SPACA7: variants seen among roughly 807,000 people sequenced by gnomAD.
SPACA7 encodes the protein sperm acrosome associated 7, also known as sperm acrosome-associated protein 7.
A neutral mutation model predicts 26.3 loss-of-function variants in SPACA7; 19 were observed. The observed-to-expected ratio is 0.72, with a 90% CI of 0.50 to 1.06. The LOEUF is 1.06. Among genes scored for constraint, SPACA7 ranks in the 50% least tolerant of loss-of-function variants. The pLI is 0.00. For missense variants in SPACA7, 211 were observed against 229.9 expected (o/e 0.92, Z 0.53); for synonymous variants, 84 against 84.5 (o/e 0.99, Z 0.04).
intron 5 of SPACA7, among the ~76,000 whole-genome samples, chr13:112,418,950 G>A (rs1886853583): frequency 6.6e-6 from 1 of 151,908 alleles, no homozygotes; most frequent in Non-Finnish European, 1.5e-5. Flanking sequence ...TTGAACCCAG[G>A]AGGCAGAGGT....
At chr13:112,420,642 G>A (rs1875859471) in intron 5 of SPACA7, among the ~76,000 whole-genome samples, 1 of 151,948 alleles carries the variant, frequency 6.6e-6, no homozygotes, top group Admixed American at 6.6e-5. Flanking sequence ...ACGAGAGAGA[G>A]CAATATAGAG....
chr13:112,400,565 G>A (rs1885574481), intron 4 of SPACA7, among the ~76,000 whole-genome samples: 1 of 152,178 alleles, frequency 6.6e-6, no homozygotes, highest in African/African-American at 2.4e-5. Flanking sequence ...GCCAAGAACT[G>A]GATGCTTGCT....
At chr13:112,409,999 A>T (rs1323477233) in intron 5 of SPACA7, among the ~76,000 whole-genome samples, 7 of 152,218 alleles carry the variant, frequency 4.6e-5, no homozygotes, top group Non-Finnish European at 7.3e-5. Flanking sequence ...GGATTAAGAA[A>T]ATGTGGCACA....
Position 112,401,097 on chromosome 13 carries a change from C to T in SPACA7, c.378C>T (p.Gly126=), listed in dbSNP as rs140194752. ...DEANANANLH[G]DPSENYRGPQ... is the part of the protein sequence containing the mutation. The stretch of plus-strand genomic sequence containing the variant: ...CCAATGCTAATGCAAATCTCCATGG[C>T]GATCCTTCTGAGAATTATCGTGGGC... The change falls in exon 5 of 7, where the codon GGC becomes GGT. Residue 126 remains glycine (G), a synonymous_variant. Coordinates refer to ENST00000283550, the MANE Select transcript of SPACA7 (RefSeq NM_145248.5). 25 of 1,613,986 alleles carry T rather than the reference C, an allele frequency of 1.5e-5. No homozygotes were observed. Among genetic ancestry groups the T allele is most frequent in the Admixed American group, 1.0e-4 (6 of 59,996 alleles).
chr13:112,387,688 A>C (rs1357782552), intron 1 of SPACA7, among the ~76,000 whole-genome samples: 1 of 152,120 alleles, frequency 6.6e-6, no homozygotes, highest in African/African-American at 2.4e-5. Context: ...GTGGTTTCTG[A>C]TGACCCTGCT....
rs1424755008 is a variant in SPACA7 at position 112,432,530 on chromosome 13, G to T, written c.523+9G>T. 1 of 1,567,528 alleles carries T rather than the reference G, an allele frequency of 6.4e-7. No homozygotes were observed. The highest frequency in any genetic ancestry group is 8.8e-7 in the Non-Finnish European group (1 of 1,137,544). ...TATTGGAAGATCTTCAGGTAGATTGGAAATAATAGATAAGTGTCTTCTCAT... is the reference window on the plus strand; with the variant it reads ...TATTGGAAGATCTTCAGGTAGATTGTAAATAATAGATAAGTGTCTTCTCAT... On this transcript the variant is annotated intron_variant, in intron 6 of 6. Transcript: ENST00000283550.
At chr13:112,408,667 G>A (rs1433176527) in intron 5 of SPACA7, among the ~76,000 whole-genome samples, 1 of 152,070 alleles carries the variant, frequency 6.6e-6, no homozygotes, top group Non-Finnish European at 1.5e-5. Flanking sequence ...TACAAGGGAT[G>A]TGAAGGACCT....
chr13:112,376,465 G>C lies in SPACA7; in HGVS notation c.80G>C (p.Arg27Thr), dbSNP rs1883708122. The C allele has an allele frequency of 2.5e-6, 4 of 1,613,294 alleles. No homozygotes were observed. The highest frequency in any genetic ancestry group is 3.4e-6 in the Non-Finnish European group (4 of 1,179,662). Reference protein sequence around the residue: ...CCWQETELRPRTVIPGSPTEI... With the variant: ...CCWQETELRPTTVIPGSPTEI... ...TGGCAAGAAACTGAGCTCCGGCCGAGAACCGTGATTCCAGGTAGGGCCCCA... is the reference window on the plus strand; with the variant it reads ...TGGCAAGAAACTGAGCTCCGGCCGACAACCGTGATTCCAGGTAGGGCCCCA... The change falls in exon 1 of 7, where the codon AGA (arginine) becomes ACA (threonine). Residue 27 changes from arginine to threonine, a missense_variant. By Grantham distance (71) the Arg-to-Thr change is moderately conservative. Transcript: ENST00000283550.
chr13:112,410,685 C>A (rs1233671601), intron 5 of SPACA7, among the ~76,000 whole-genome samples: 2 of 151,976 alleles, frequency 1.3e-5, no homozygotes, highest in Non-Finnish European at 2.9e-5. Context: ...AATTGGAATT[C>A]TTGTGCACTG....
intron 1 of SPACA7, among the ~76,000 whole-genome samples, chr13:112,390,642 G>A (rs528978602): frequency 3.3e-5 from 5 of 152,348 alleles, no homozygotes; most frequent in African/African-American, 1.2e-4. Context: ...AGAAGGCAAA[G>A]GAGAAGCAAG....
chr13:112,388,398 T>A (rs1462977669), intron 1 of SPACA7, among the ~76,000 whole-genome samples: 1 of 152,144 alleles, frequency 6.6e-6, no homozygotes, highest in Non-Finnish European at 1.5e-5. Context: ...GACACTCTGA[T>A]AGGGCTACAG....
At chr13:112,425,860 G>A (rs370636966) in intron 5 of SPACA7, among the ~76,000 whole-genome samples, 24 of 152,226 alleles carry the variant, frequency 1.6e-4, no homozygotes, top group South Asian at 2.1e-4. Context: ...CCCACATCAC[G>A]GGTCCTAGAG....
At position 112,423,671 on chromosome 13, in the gene SPACA7, C is replaced by T. The variant is rs1240985029; in HGVS notation, c.446-8773C>T. ...AAGGAATGATTATCAAGGCTATCCC[C>T]ATATCAGTGAAGAACATAATCCTCA... On this transcript the variant is annotated intron_variant, in intron 5 of 6. Transcript: ENST00000283550. 2.0e-5 allele frequency among the ~76,000 whole-genome samples: 3 copies of T among 152,168 alleles called. No homozygotes were observed. In the East Asian group the frequency reaches 5.8e-4, roughly 29 times the overall value.
intron 2 of SPACA7, among the ~76,000 whole-genome samples, chr13:112,394,558 G>A (rs1232014344): frequency 2.0e-5 from 3 of 151,862 alleles, no homozygotes; most frequent in East Asian, 1.9e-4. Context: ...GCCTGCCTGC[G>A]TGTTTGATGG....
At chr13:112,390,397 C>A (rs1884806147) in intron 1 of SPACA7, among the ~76,000 whole-genome samples, 1 of 152,128 alleles carries the variant, frequency 6.6e-6, no homozygotes, top group Admixed American at 6.5e-5. Context: ...AGAACCTTGC[C>A]CACGTGCAAT....
intron 5 of SPACA7, among the ~76,000 whole-genome samples, chr13:112,419,876 A>G (rs1886906434): frequency 6.6e-6 from 1 of 152,176 alleles, no homozygotes. Context: ...TGAGAAAGAA[A>G]CCCGCTCTGC....
At chr13:112,410,310 A>T (rs1886265399) in intron 5 of SPACA7, among the ~76,000 whole-genome samples, 1 of 151,866 alleles carries the variant, frequency 6.6e-6, no homozygotes, top group Non-Finnish European at 1.5e-5. Context: ...ATGCATGTGT[A>T]CATATGTAAC....
At chr13:112,401,225 G>A in intron 5 of SPACA7, 61 bp downstream of exon 5, 1 of 1,335,528 alleles carries the variant, frequency 7.5e-7, no homozygotes, top group Admixed American at 1.7e-5. Context: ...GAGTGTGTGA[G>A]GTGACTGTCT....
At chr13:112,380,966 A>G (rs1428301275) in intron 1 of SPACA7, among the ~76,000 whole-genome samples, 2 of 152,208 alleles carry the variant, frequency 1.3e-5, no homozygotes, top group African/African-American at 2.4e-5. Context: ...ATTTTTAGAG[A>G]TATATTTATC....
Sources: gnomAD v4.1 joint callset for allele counts (sites outside exome capture counted in the v4.1 genomes callset) on GRCh38, gnomAD v4.1.1 for gene constraint, MANE v1.5 for transcripts, NCBI Gene and HGNC (gene_info 2026-07-23, HGNC 2026-07-21) for gene names.